Variants in ATP13A4 observed in about 807,000 individuals in gnomAD.
ATP13A4 encodes the protein ATPase 13A4.
A neutral mutation model predicts 142.5 loss-of-function variants in ATP13A4; 114 were observed. The observed-to-expected ratio is 0.80, with a 90% CI of 0.69 to 0.93. The LOEUF (loss-of-function observed/expected upper bound fraction) is 0.93, where lower values mean the gene tolerates loss of function less well. Among genes scored for constraint, ATP13A4 ranks in the 40% least tolerant of loss-of-function variants. ATP13A4 has a pLI of 0.00. For missense variants in ATP13A4, 1,392 were observed against 1,454.0 expected (o/e 0.96, Z 0.69); for synonymous variants, 488 against 514.8 (o/e 0.95, Z 0.70).
chr3:193,532,956 A>G (rs966533578), intron 1 of ATP13A4, among the ~76,000 whole-genome samples: 1 of 152,212 alleles, frequency 6.6e-6, no homozygotes, highest in Admixed American at 6.5e-5. Context: ...CCAATAATGT[A>G]GAAAAAAAGT....
At chr3:193,452,311 A>G (rs986788890) in intron 17 of ATP13A4, among the ~76,000 whole-genome samples, 2 of 152,146 alleles carry the variant, frequency 1.3e-5, no homozygotes, top group Admixed American at 6.5e-5. Context: ...CTCAAAGTTT[A>G]CTTTTAGCTC....
chr3:193,440,684 G>T, intron 20 of ATP13A4, 47 bp from the exon 21 acceptor site: 1 of 1,579,870 alleles, frequency 6.3e-7, no homozygotes, highest in Non-Finnish European at 8.7e-7. Context: ...TCATCTGGTT[G>T]TACATGAAAT....
chr3:193,588,035 A>C (rs1016655306), intron 1 of ATP13A4, among the ~76,000 whole-genome samples: 11 of 152,118 alleles, frequency 7.2e-5, no homozygotes, highest in African/African-American at 2.4e-4. Flanking sequence ...TAAGAGGCTG[A>C]AAAGGGCAGA....
intron 25 of ATP13A4, among the ~76,000 whole-genome samples, chr3:193,433,177 T>C (rs1375208816): frequency 2.0e-5 from 3 of 152,122 alleles, no homozygotes; most frequent in African/African-American, 4.8e-5. Flanking sequence ...CATTCATCAA[T>C]AGAATTTCAT....
At chr3:193,482,503 T>C (rs1198529073) in intron 8 of ATP13A4, among the ~76,000 whole-genome samples, 1 of 152,148 alleles carries the variant, frequency 6.6e-6, no homozygotes, top group Non-Finnish European at 1.5e-5. Context: ...GAGAAAATAT[T>C]TGCAAATCAT....
Position 193,484,015 on chromosome 3 carries a change from A to C in ATP13A4, c.739-10T>G, listed in dbSNP as rs759697361. ...GGAGTTTTACAGATTGCTGAAAAAG[A>C]AGGAAAAATGGAAAAGTCTTATCTA... On this transcript the variant is annotated splice_polypyrimidine_tract_variant and intron_variant, in intron 7 of 29. Coordinates refer to ENST00000342695, the MANE Select transcript of ATP13A4 (RefSeq NM_032279.4). 6.3e-7 allele frequency: 1 copy of C among 1,599,312 alleles called. No homozygotes were observed. Among genetic ancestry groups the C allele is most frequent in the African/African-American group, 1.3e-5 (1 of 74,560 alleles).
At chr3:193,588,280 C>T (rs1724703286) in intron 1 of ATP13A4, among the ~76,000 whole-genome samples, 1 of 152,180 alleles carries the variant, frequency 6.6e-6, no homozygotes, top group South Asian at 2.1e-4. Context: ...TTGCAAGCCC[C>T]ATCTCCCTGT....
intron 2 of ATP13A4, among the ~76,000 whole-genome samples, chr3:193,561,130 G>A (rs745309821): frequency 2.0e-4 from 30 of 152,190 alleles, no homozygotes; most frequent in Non-Finnish European, 4.0e-4. Flanking sequence ...TACCCACAGG[G>A]GACCTCAGGC....
intron 8 of ATP13A4, among the ~76,000 whole-genome samples, chr3:193,473,218 C>A (rs1318263061): frequency 6.6e-6 from 1 of 152,176 alleles, no homozygotes; most frequent in Non-Finnish European, 1.5e-5. Flanking sequence ...TCAAAGCCAA[C>A]TTTAAAGGGC....
intron 25 of ATP13A4, among the ~76,000 whole-genome samples, chr3:193,420,149 C>A (rs187986268): frequency 1.3e-5 from 2 of 150,044 alleles, no homozygotes; most frequent in East Asian, 2.1e-4. Context: ...GGTCTCCCTG[C>A]TATAACCCAG....
At chr3:193,582,806 TA>T (rs1380721337) in intron 1 of ATP13A4, among the ~76,000 whole-genome samples, 1 of 30,810 alleles carries the variant, frequency 3.2e-5, no homozygotes, top group Non-Finnish European at 4.9e-5. Flanking sequence ...ATTACATATA[TA>T]AAATATATAT....
chr3:193,429,285 C>A (rs1715843015), intron 25 of ATP13A4, among the ~76,000 whole-genome samples: 1 of 151,934 alleles, frequency 6.6e-6, no homozygotes, highest in Non-Finnish European at 1.5e-5. Flanking sequence ...TAACATATGA[C>A]CCAGATTCCA....
intron 23 of ATP13A4, among the ~76,000 whole-genome samples, chr3:193,436,097 A>G (rs1475484793): frequency 6.6e-6 from 1 of 152,222 alleles, no homozygotes; most frequent in Non-Finnish European, 1.5e-5. Flanking sequence ...GCAGAAGATC[A>G]TTTCCCTTGT....
intron 8 of ATP13A4, among the ~76,000 whole-genome samples, chr3:193,483,655 A>G (rs369539161): frequency 6.6e-5 from 10 of 151,936 alleles, no homozygotes; most frequent in Non-Finnish European, 1.3e-4. Context: ...TGGTAGAGAC[A>G]GGGTTTCACC....
At chr3:193,464,509 A>G (rs1380880943) in intron 12 of ATP13A4, among the ~76,000 whole-genome samples, 2 of 152,268 alleles carry the variant, frequency 1.3e-5, no homozygotes, top group Non-Finnish European at 2.9e-5. Context: ...AGTAAGGCAC[A>G]GTTTAATAAA....
At chr3:193,448,001 A>G (rs1197616282) in intron 18 of ATP13A4, among the ~76,000 whole-genome samples, 1 of 152,190 alleles carries the variant, frequency 6.6e-6, no homozygotes, top group Non-Finnish European at 1.5e-5. Context: ...CGCTGATACT[A>G]TTTGACTGAT....
At chr3:193,583,942 T>C (rs1724621480) in intron 1 of ATP13A4, among the ~76,000 whole-genome samples, 2 of 152,180 alleles carry the variant, frequency 1.3e-5, no homozygotes, top group South Asian at 2.1e-4. Flanking sequence ...GAAGTACAAT[T>C]TGAAAACTAC....
intron 1 of ATP13A4, among the ~76,000 whole-genome samples, chr3:193,522,091 G>A (rs1159162202): frequency 1.3e-5 from 2 of 152,220 alleles, no homozygotes; most frequent in Admixed American, 6.5e-5. Context: ...CATTTCAGCT[G>A]AGCTGCAGTC....
At chr3:193,527,401 G>A (rs1722065238) in intron 1 of ATP13A4, among the ~76,000 whole-genome samples, 1 of 152,032 alleles carries the variant, frequency 6.6e-6, no homozygotes, top group South Asian at 2.1e-4. Flanking sequence ...GATCAACTGA[G>A]GTCAGTTCGA....
Sources: gnomAD v4.1 joint callset for allele counts (sites outside exome capture counted in the v4.1 genomes callset) on GRCh38, gnomAD v4.1.1 for gene constraint, MANE v1.5 for transcripts, NCBI Gene and HGNC (gene_info 2026-07-23, HGNC 2026-07-21) for gene names.